Variants in KCNH8 observed in about 807,000 individuals in gnomAD.
KCNH8 encodes the protein voltage-gated delayed rectifier potassium channel KCNH8.
KCNH8 carries 70 observed loss-of-function variants against 103.6 expected under a neutral mutation model. The observed-to-expected ratio is 0.68, with a 90% CI of 0.56 to 0.82. KCNH8 has a LOEUF of 0.82. Among genes scored for constraint, KCNH8 ranks in the 40% least tolerant of loss-of-function variants. The pLI is 0.00. For missense variants in KCNH8, 1,217 were observed against 1,329.9 expected, an observed-to-expected ratio of 0.92 and a Z score of 1.32; for synonymous variants, 498 against 489.4, an observed-to-expected ratio of 1.02 and a Z score of -0.23.
At chr3:19,204,428 GA>G (rs1409462344) in intron 1 of KCNH8, among the ~76,000 whole-genome samples, 2 of 151,926 alleles carry the variant, frequency 1.3e-5, no homozygotes, top group African/African-American at 4.8e-5. Context: ...GGGGAAGAGA[GA>G]GAGAGAGAGA....
chr3:19,373,865 T>C (rs2066145666), intron 5 of KCNH8, among the ~76,000 whole-genome samples: 1 of 152,242 alleles, frequency 6.6e-6, no homozygotes, highest in South Asian at 2.1e-4. Context: ...TTTCGTTATG[T>C]ACCCATTAGT....
intron 5 of KCNH8, among the ~76,000 whole-genome samples, chr3:19,349,793 C>T (rs1021515639): frequency 2.0e-5 from 3 of 152,140 alleles, no homozygotes; most frequent in Non-Finnish European, 4.4e-5. Flanking sequence ...CATTTGCTCC[C>T]CTGATAGCAA....
intron 3 of KCNH8, among the ~76,000 whole-genome samples, chr3:19,329,874 C>A (rs938595599): frequency 6.6e-6 from 1 of 151,830 alleles, no homozygotes. Context: ...CCCTGTCCCC[C>A]GTCCAGTCCT....
chr3:19,372,039 A>G (rs928290893), intron 5 of KCNH8, among the ~76,000 whole-genome samples: 5 of 152,066 alleles, frequency 3.3e-5, no homozygotes, highest in East Asian at 1.9e-4. Context: ...TTGAAGTCAG[A>G]TAGTGTGATG....
At chr3:19,413,503 C>T (rs146016494) in intron 7 of KCNH8, among the ~76,000 whole-genome samples, 360 of 152,016 alleles carry the variant, frequency 2.4e-3, no homozygotes, top group Non-Finnish European at 4.0e-3. Context: ...ATTTTTTAAC[C>T]CATGTAACAA....
intron 2 of KCNH8, among the ~76,000 whole-genome samples, chr3:19,267,573 G>C (rs1421849070): frequency 6.6e-6 from 1 of 152,074 alleles, no homozygotes; most frequent in Non-Finnish European, 1.5e-5. Context: ...TGTGTGTGAA[G>C]GCTCGAGTTT....
At chr3:19,514,816 G>C (rs2068845896) in intron 13 of KCNH8, among the ~76,000 whole-genome samples, 1 of 151,848 alleles carries the variant, frequency 6.6e-6, no homozygotes, top group African/African-American at 2.4e-5. Context: ...ATTTAGGTCA[G>C]AGGACTTTTG....
At chr3:19,194,783 A>G (rs1439479329) in intron 1 of KCNH8, among the ~76,000 whole-genome samples, 5 of 151,890 alleles carry the variant, frequency 3.3e-5, no homozygotes, top group Admixed American at 6.6e-5. Flanking sequence ...TCTAAAATAT[A>G]AGCTAAAAAA....
intron 4 of KCNH8, among the ~76,000 whole-genome samples, chr3:19,345,359 A>G (rs2065716097): frequency 6.6e-6 from 1 of 152,086 alleles, no homozygotes; most frequent in Admixed American, 6.6e-5. Flanking sequence ...TCTCTTGCTC[A>G]TTCAGATGAT....
At chr3:19,351,094 G>A (rs1275519969) in intron 5 of KCNH8, among the ~76,000 whole-genome samples, 1 of 152,064 alleles carries the variant, frequency 6.6e-6, no homozygotes, top group East Asian at 1.9e-4. Context: ...GCATGCACAA[G>A]CTTCAGTAGC....
chr3:19,408,041 G>C (rs2066721553), intron 7 of KCNH8, among the ~76,000 whole-genome samples: 1 of 152,056 alleles, frequency 6.6e-6, no homozygotes, highest in African/African-American at 2.4e-5. Flanking sequence ...AGAGAGTTCA[G>C]ACCACTGTGC....
Position 19,218,597 on chromosome 3 carries a change from C to T in KCNH8, c.77-35057C>T, listed in dbSNP as rs530029955. 8.5e-5 allele frequency among the ~76,000 whole-genome samples: 13 copies of T among 152,318 alleles called. No homozygotes were observed. In the East Asian group the frequency reaches 2.5e-3, roughly 29 times the overall value. On this transcript the variant is annotated intron_variant, in intron 1 of 15. Coordinates refer to ENST00000328405, the MANE Select transcript of KCNH8 (RefSeq NM_144633.3). ...TCTTCATCATCTGGTCCTTCACTTT[C>T]TCTCTGGCCTGATTGCCTATTGCAT...
intron 3 of KCNH8, among the ~76,000 whole-genome samples, chr3:19,335,293 C>G (rs1052863106): frequency 6.6e-6 from 1 of 151,560 alleles, no homozygotes; most frequent in East Asian, 1.9e-4. Context: ...TATTGATTCC[C>G]TAAAAGGGAA....
chr3:19,507,971 G>A (rs1294360498), intron 11 of KCNH8, among the ~76,000 whole-genome samples: 2 of 152,176 alleles, frequency 1.3e-5, no homozygotes, highest in Non-Finnish European at 2.9e-5. Flanking sequence ...ATGAAGGGAA[G>A]TTGATTTTAT....
chr3:19,529,368 G>A (rs2069121667), intron 15 of KCNH8, among the ~76,000 whole-genome samples: 1 of 152,118 alleles, frequency 6.6e-6, no homozygotes, highest in Admixed American at 6.6e-5. Context: ...ATACTTTTAA[G>A]TTCTAGAGTA....
intron 11 of KCNH8, among the ~76,000 whole-genome samples, chr3:19,478,793 T>G (rs921116349): frequency 6.6e-6 from 1 of 152,052 alleles, no homozygotes; most frequent in African/African-American, 2.4e-5. Context: ...TGTGTCACCC[T>G]AGGCTGGGGT....
intron 2 of KCNH8, among the ~76,000 whole-genome samples, chr3:19,265,353 A>G (rs988838845): frequency 6.6e-6 from 1 of 152,110 alleles, no homozygotes; most frequent in Non-Finnish European, 1.5e-5. Context: ...TAAAAATTTC[A>G]AGACAGCACC....
At chr3:19,232,434 G>GT in intron 1 of KCNH8, among the ~76,000 whole-genome samples, 2 of 152,274 alleles carry the variant, frequency 1.3e-5, no homozygotes, top group South Asian at 4.1e-4. Context: ...CTATTTGCAC[G>GT]TGTTATGAAA....
chr3:19,277,867 C>A (rs767071875), intron 2 of KCNH8, among the ~76,000 whole-genome samples: 1 of 152,126 alleles, frequency 6.6e-6, no homozygotes, highest in Non-Finnish European at 1.5e-5. Context: ...CTCCAACCCA[C>A]ATGGTAATTA....
Sources: gnomAD v4.1 joint callset for allele counts (sites outside exome capture counted in the v4.1 genomes callset) on GRCh38, gnomAD v4.1.1 for gene constraint, MANE v1.5 for transcripts, NCBI Gene and HGNC (gene_info 2026-07-23, HGNC 2026-07-21) for gene names.